The following FOXP1 variants were observed in gnomAD, a reference collection of about 807,000 sequenced individuals.
FOXP1 encodes forkhead box protein P1.
Under a neutral mutation model 98.2 loss-of-function variants are expected in FOXP1, and 15 were observed. The observed-to-expected ratio is 0.15, with a 90% CI of 0.10 to 0.24. The LOEUF (loss-of-function observed/expected upper bound fraction) is 0.24. Ranked by LOEUF, FOXP1 falls within the 10% of genes least tolerant of loss-of-function variation. The pLI is 1.00. For missense variants in FOXP1, 633 were observed against 848.5 expected (o/e 0.75, Z 3.15); for synonymous variants, 371 against 314.5 (o/e 1.18, Z -1.90).
At chr3:71,559,338 G>C (rs978787277) in intron 2 of FOXP1, among the ~76,000 whole-genome samples, 1 of 152,218 alleles carries the variant, frequency 6.6e-6, no homozygotes, top group African/African-American at 2.4e-5. Flanking sequence ...ATGGACAACT[G>C]CTATTTTTAC....
At chr3:71,211,469 G>A (rs529260132) in intron 5 of FOXP1, among the ~76,000 whole-genome samples, 1 of 152,182 alleles carries the variant, frequency 6.6e-6, no homozygotes, top group Non-Finnish European at 1.5e-5. Context: ...GCCTCCTAAA[G>A]TGCTGGAATT....
At chr3:71,339,187 C>T (rs2076865858) in intron 4 of FOXP1, among the ~76,000 whole-genome samples, 1 of 152,208 alleles carries the variant, frequency 6.6e-6, no homozygotes, top group African/African-American at 2.4e-5. Flanking sequence ...TAAAATGTAT[C>T]CTGCTGAGTT....
intron 6 of FOXP1, among the ~76,000 whole-genome samples, chr3:71,152,273 A>C (rs2060609433): frequency 6.6e-6 from 1 of 152,096 alleles, no homozygotes; most frequent in Non-Finnish European, 1.5e-5. Flanking sequence ...ACAGTTAGTG[A>C]GTTTGGAAGG....
chr3:71,528,554 C>A (rs973891901), intron 2 of FOXP1, among the ~76,000 whole-genome samples: 1 of 152,184 alleles, frequency 6.6e-6, no homozygotes, highest in Non-Finnish European at 1.5e-5. Context: ...GCGTTCCACT[C>A]CTGTATTGTC....
intron 4 of FOXP1, among the ~76,000 whole-genome samples, chr3:71,343,982 A>G (rs775541286): frequency 1.3e-5 from 2 of 152,172 alleles, no homozygotes; most frequent in Non-Finnish European, 2.9e-5. Context: ...CTGTTTGGAT[A>G]TATTTTTTTG....
At chr3:71,517,673 C>T (rs1000495612) in intron 2 of FOXP1, among the ~76,000 whole-genome samples, 1 of 152,164 alleles carries the variant, frequency 6.6e-6, no homozygotes, top group Non-Finnish European at 1.5e-5. Flanking sequence ...AAAACACTCT[C>T]TTTTATTGAA....
intron 4 of FOXP1, among the ~76,000 whole-genome samples, chr3:71,318,500 T>C (rs1281119630): frequency 6.6e-6 from 1 of 152,214 alleles, no homozygotes; most frequent in Non-Finnish European, 1.5e-5. Context: ...GGCTTTGAGG[T>C]TTCATAATAC....
chr3:70,958,879 C>T lies in FOXP1; in HGVS notation c.*368G>A, dbSNP rs1446790877. ...TGCAGCTTAGGTGCACAAGCTCTGT[C>T]GGGCGTCCTCAGTGTCCAACGTTGG... is the stretch of plus-strand genomic sequence containing the variant. On this transcript the variant is annotated 3_prime_UTR_variant, in exon 21 of 21. Coordinates refer to ENST00000649528, the MANE Select transcript of FOXP1 (RefSeq NM_001349338.3). 7 of 405,658 alleles carry T rather than the reference C, an allele frequency of 1.7e-5. No individual in the cohort carries two copies. The highest frequency in any genetic ancestry group is 4.3e-5 in the East Asian group (1 of 23,412). 25.1% of individuals were successfully genotyped at this position (405,658 alleles called of 1,614,324 possible). A position where few individuals can be genotyped will look rare whatever the true frequency, so the allele number is the denominator to read the frequency against.
chr3:71,164,238 C>G (rs185420766), intron 6 of FOXP1, among the ~76,000 whole-genome samples: 47 of 152,046 alleles, frequency 3.1e-4, no homozygotes, highest in African/African-American at 1.1e-3. Flanking sequence ...CTTGCTCAGT[C>G]GCCCAGGCTG....
intron 2 of FOXP1, chr3:71,542,183 G>A: frequency 2.5e-6 from 1 of 393,528 alleles, no homozygotes; most frequent in African/African-American, 2.1e-5. Flanking sequence ...CACCCTTAAT[G>A]TTTTTCATAT....
At chr3:71,123,125 G>C (rs1363440253) in intron 6 of FOXP1, among the ~76,000 whole-genome samples, 1 of 151,948 alleles carries the variant, frequency 6.6e-6, no homozygotes, top group Non-Finnish European at 1.5e-5. Context: ...ACATTTACAT[G>C]GCATCCAAGT....
intron 3 of FOXP1, among the ~76,000 whole-genome samples, chr3:71,447,785 G>A (rs147070579): frequency 4.6e-5 from 7 of 152,296 alleles, no homozygotes; most frequent in Non-Finnish European, 1.5e-5. Flanking sequence ...TGGGGCAGGG[G>A]GAGAGGGGTT....
At chr3:71,417,778 C>T (rs914203383) in intron 3 of FOXP1, among the ~76,000 whole-genome samples, 3 of 152,150 alleles carry the variant, frequency 2.0e-5, no homozygotes, top group Admixed American at 1.3e-4. Flanking sequence ...AGAGCTGAGG[C>T]TGTTGGGTTT....
intron 3 of FOXP1, among the ~76,000 whole-genome samples, chr3:71,381,537 G>C (rs1366553072): frequency 6.7e-6 from 1 of 148,488 alleles, no homozygotes; most frequent in Non-Finnish European, 1.5e-5. Flanking sequence ...CAACCTCCTC[G>C]GGTTCAAGTG....
Position 71,134,080 on chromosome 3 carries a change from C to A in FOXP1, c.181-21443G>T, listed in dbSNP as rs115547286. 5.8e-3 allele frequency among the ~76,000 whole-genome samples: 873 copies of A among 150,400 alleles called. 6 individuals are homozygous for A. Among genetic ancestry groups the A allele is most frequent in the African/African-American group, 0.021 (823 of 39,702 alleles). ...TTGACCCTTGTCCATTTCTTGATTG[C>A]AGCTGAAGTTGAGCCCAAACCCGCT... On this transcript the variant is annotated intron_variant, in intron 6 of 20. Coordinates refer to ENST00000649528, the MANE Select transcript of FOXP1 (RefSeq NM_001349338.3).
chr3:71,496,136 T>C (rs965788029), intron 2 of FOXP1, among the ~76,000 whole-genome samples: 2 of 152,160 alleles, frequency 1.3e-5, no homozygotes, highest in African/African-American at 2.4e-5. Context: ...TTTAAATAAG[T>C]TATATTTAAA....
At chr3:71,225,510 A>G (rs1233820709) in intron 5 of FOXP1, among the ~76,000 whole-genome samples, 1 of 111,956 alleles carries the variant, frequency 8.9e-6, no homozygotes, top group Admixed American at 1.0e-4. Context: ...TATAATTATG[A>G]CGAGGAAGGA....
intron 2 of FOXP1, chr3:71,570,258 T>C (rs1055298473): frequency 1.3e-5 from 2 of 151,986 alleles, no homozygotes; most frequent in Non-Finnish European, 2.9e-5. Context: ...ACTTTGTTTC[T>C]TGTTTTCTAC....
chr3:71,583,226 C>T (rs935019327), intron 1 of FOXP1, among the ~76,000 whole-genome samples: 3 of 152,042 alleles, frequency 2.0e-5, no homozygotes, highest in African/African-American at 7.2e-5. Context: ...ATCTCGCCTC[C>T]TCACAGTCGC....
Sources: gnomAD v4.1 joint callset for allele counts (sites outside exome capture counted in the v4.1 genomes callset) on GRCh38, gnomAD v4.1.1 for gene constraint, MANE v1.5 for transcripts, NCBI Gene and HGNC (gene_info 2026-07-23, HGNC 2026-07-21) for gene names.